Variants in FARP1 observed in about 807,000 individuals in gnomAD.
FARP1 encodes FERM, ARH/RhoGEF and pleckstrin domain protein 1.
A neutral mutation model predicts 128.8 loss-of-function variants in FARP1; 52 were observed. That is an observed-to-expected ratio of 0.40 (90% CI 0.32 to 0.51). FARP1 has a LOEUF of 0.51. Ranked by LOEUF, FARP1 falls within the 20% of genes least tolerant of loss-of-function variation. FARP1 has a pLI of 0.45. For missense variants in FARP1, 1,333 were observed against 1,367.9 expected (o/e 0.97, Z 0.40); for synonymous variants, 580 against 551.8 (o/e 1.05, Z -0.72).
At chr13:98,393,367 G>A (rs1319187721) in intron 11 of FARP1, among the ~76,000 whole-genome samples, 3 of 152,222 alleles carry the variant, frequency 2.0e-5, no homozygotes, top group Admixed American at 2.0e-4. Flanking sequence ...GTCCTGCTCA[G>A]TTGCTAAATG....
intron 1 of FARP1, among the ~76,000 whole-genome samples, chr13:98,149,841 C>T (rs868085979): frequency 5.4e-4 from 77 of 141,400 alleles, no homozygotes; most frequent in African/African-American, 1.9e-3. Flanking sequence ...AGGTTCACAC[C>T]ATTCTCCTGC....
chr13:98,243,812 A>G (rs934283279), intron 2 of FARP1, among the ~76,000 whole-genome samples: 1 of 152,080 alleles, frequency 6.6e-6, no homozygotes, highest in Non-Finnish European at 1.5e-5. Flanking sequence ...TTATTTTGTA[A>G]CAAAAACTGG....
intron 1 of FARP1, among the ~76,000 whole-genome samples, chr13:98,144,900 C>T (rs1330111701): frequency 1.3e-5 from 2 of 152,132 alleles, no homozygotes; most frequent in Admixed American, 1.3e-4. Flanking sequence ...ATGGGTTGGT[C>T]TCCAGGATGT....
At chr13:98,159,311 C>T (rs1422544445) in intron 1 of FARP1, among the ~76,000 whole-genome samples, 1 of 152,194 alleles carries the variant, frequency 6.6e-6, no homozygotes, top group African/African-American at 2.4e-5. Flanking sequence ...TGCCCAATGT[C>T]ACACAGCTAA....
rs1468179737 is a variant in FARP1, at chr13:98,410,780, C to A, written c.1649C>A (p.Thr550Asn). 6.2e-7 allele frequency: 1 copy of A among 1,605,494 alleles called. No individual in the cohort carries two copies. Among genetic ancestry groups the A allele is most frequent in the South Asian group, 1.1e-5 (1 of 90,018 alleles). Reference sequence around the variant, plus strand: ...TACTTCATAGCTAAGGAAGTGTCTACCACCGAGCGAACATATCTGAAGGAT... The same window carrying A: ...TACTTCATAGCTAAGGAAGTGTCTAACACCGAGCGAACATATCTGAAGGAT... ...KAYFIAKEVSTTERTYLKDLE... is the reference protein window; with the variant it reads ...KAYFIAKEVSNTERTYLKDLE... The change falls in exon 15 of 27, where the codon ACC (threonine) becomes AAC (asparagine). Residue 550 changes from threonine to asparagine, a missense_variant. Coordinates refer to ENST00000319562, the MANE Select transcript of FARP1 (RefSeq NM_005766.4).
intron 1 of FARP1, among the ~76,000 whole-genome samples, chr13:98,210,736 A>G (rs1370131239): frequency 6.6e-6 from 1 of 151,936 alleles, no homozygotes; most frequent in Non-Finnish European, 1.5e-5. Context: ...TTTTTAGTAG[A>G]GACGGGGTTT....
intron 2 of FARP1, among the ~76,000 whole-genome samples, chr13:98,313,381 T>G (rs1886577774): frequency 6.6e-6 from 1 of 150,766 alleles, no homozygotes. Context: ...CGTGTGATGA[T>G]GGGGGCAGAG....
intron 2 of FARP1, among the ~76,000 whole-genome samples, chr13:98,269,107 G>A (rs1301348813): frequency 1.3e-5 from 2 of 151,986 alleles, no homozygotes; most frequent in Non-Finnish European, 1.5e-5. Context: ...ATAAATATTG[G>A]TAATTTACTG....
chr13:98,308,029 C>CTTTTTTTTTTTTTTTTTTTTTT (rs1886253580), intron 2 of FARP1, among the ~76,000 whole-genome samples: 1 of 114,930 alleles, frequency 8.7e-6, no homozygotes, highest in African/African-American at 3.7e-5. Context: ...CCCCCACTCT[C>CTTTTTTTTTTTTTTTTTTTTTT]TCTCTTTTTT....
At chr13:98,266,056 T>G (rs1424900198) in intron 2 of FARP1, among the ~76,000 whole-genome samples, 2 of 148,170 alleles carry the variant, frequency 1.3e-5, no homozygotes, top group East Asian at 3.9e-4. Context: ...TTTTTTCCCA[T>G]TTTTTTTTCC....
chr13:98,222,935 C>A (rs893437323), intron 2 of FARP1, among the ~76,000 whole-genome samples: 2 of 151,854 alleles, frequency 1.3e-5, no homozygotes, highest in African/African-American at 2.4e-5. Flanking sequence ...CGTGCCTGGC[C>A]GGAAGGTGCT....
At chr13:98,309,032 TC>T (rs1239932881) in intron 2 of FARP1, among the ~76,000 whole-genome samples, 1 of 151,910 alleles carries the variant, frequency 6.6e-6, no homozygotes, top group African/African-American at 2.4e-5. Flanking sequence ...TTTAAAGTGA[TC>T]TTTATAAATT....
chr13:98,166,966 A>G (rs888194463), intron 1 of FARP1, among the ~76,000 whole-genome samples: 11 of 152,118 alleles, frequency 7.2e-5, no homozygotes, highest in African/African-American at 1.9e-4. Flanking sequence ...GGCTCAGGCA[A>G]TCTGCCTGCC....
At chr13:98,337,599 G>A (rs182875849) in intron 2 of FARP1, among the ~76,000 whole-genome samples, 274 of 140,412 alleles carry the variant, frequency 2.0e-3, no homozygotes, top group African/African-American at 6.8e-3. Flanking sequence ...TTTGAAATAA[G>A]TTAACCTTTA....
intron 2 of FARP1, among the ~76,000 whole-genome samples, chr13:98,299,326 C>A (rs978560779): frequency 6.6e-6 from 1 of 152,172 alleles, no homozygotes; most frequent in Non-Finnish European, 1.5e-5. Flanking sequence ...CACCCTCTCT[C>A]CCAGGCACTG....
At chr13:98,295,084 C>A (rs1471040875) in intron 2 of FARP1, among the ~76,000 whole-genome samples, 2 of 89,642 alleles carry the variant, frequency 2.2e-5, no homozygotes, top group African/African-American at 4.7e-5. Context: ...CACACACACA[C>A]ACACACACAC....
At chr13:98,206,235 T>C in intron 1 of FARP1, among the ~76,000 whole-genome samples, 1 of 151,928 alleles carries the variant, frequency 6.6e-6, no homozygotes, top group South Asian at 2.1e-4. Flanking sequence ...CAACCTTTGC[T>C]ATTCCCTTAT....
chr13:98,339,178 A>G (rs1887862397), intron 2 of FARP1, among the ~76,000 whole-genome samples: 1 of 152,224 alleles, frequency 6.6e-6, no homozygotes, highest in African/African-American at 2.4e-5. Context: ...TAATTTATGT[A>G]GAAAGGAGGT....
chr13:98,440,313 C>A, intron 23 of FARP1, 78 bp downstream of exon 23: 1 of 1,044,730 alleles, frequency 9.6e-7, no homozygotes, highest in Non-Finnish European at 1.5e-6. Flanking sequence ...TAAAGCCACC[C>A]CATCGGGTAG....
Sources: gnomAD v4.1 joint callset for allele counts (sites outside exome capture counted in the v4.1 genomes callset) on GRCh38, gnomAD v4.1.1 for gene constraint, MANE v1.5 for transcripts, NCBI Gene and HGNC (gene_info 2026-07-23, HGNC 2026-07-21) for gene names.